The following SMAP1 variants were observed in gnomAD, a reference collection of about 807,000 sequenced individuals.
The protein encoded by SMAP1 is stromal membrane-associated protein 1.
SMAP1 carries 24 observed loss-of-function variants against 58.5 expected under a neutral mutation model. The observed-to-expected ratio is 0.41, with a 90% CI of 0.30 to 0.58. The LOEUF (loss-of-function observed/expected upper bound fraction) is 0.58. Among genes scored for constraint, SMAP1 ranks in the 20% least tolerant of loss-of-function variants. The pLI is 0.29. For missense variants in SMAP1, 563 were observed against 566.3 expected (o/e 0.99, Z 0.06); for synonymous variants, 216 against 196.6 (o/e 1.10, Z -0.82).
Position 70,737,752 on chromosome 6 carries a change from A to G in SMAP1, c.252+5241A>G, listed in dbSNP as rs191828958. ...CTTTGGTTTGATTAAATTCTGTGAGATAACGCTTATTATCCTTAGCGATGA... is the reference window on the plus strand; with the variant it reads ...CTTTGGTTTGATTAAATTCTGTGAGGTAACGCTTATTATCCTTAGCGATGA... On this transcript the variant is annotated intron_variant, in intron 2 of 10. Coordinates refer to ENST00000370455, the MANE Select transcript of SMAP1 (RefSeq NM_001044305.3). 5.3e-5 allele frequency among the ~76,000 whole-genome samples: 8 copies of G among 152,324 alleles called. No homozygotes were observed. The East Asian group carries it at 1.4e-3, about 26-fold the overall frequency.
chr6:70,750,311 T>A (rs1341108223), intron 2 of SMAP1, among the ~76,000 whole-genome samples: 1 of 152,228 alleles, frequency 6.6e-6, no homozygotes, highest in Non-Finnish European at 1.5e-5. Flanking sequence ...TGATTCTACC[T>A]ACTTTCTTTT....
chr6:70,713,969 T>C (rs1768162233), intron 1 of SMAP1, among the ~76,000 whole-genome samples: 1 of 152,220 alleles, frequency 6.6e-6, no homozygotes, highest in Non-Finnish European at 1.5e-5. Flanking sequence ...TCTTGTTGAA[T>C]TGATCCTTTT....
chr6:70,678,442 C>G (rs1456928644), intron 1 of SMAP1, among the ~76,000 whole-genome samples: 1 of 152,184 alleles, frequency 6.6e-6, no homozygotes, highest in Non-Finnish European at 1.5e-5. Flanking sequence ...TCATGCATTT[C>G]TACTCTTGGA....
intron 2 of SMAP1, among the ~76,000 whole-genome samples, chr6:70,750,275 C>T (rs1463021331): frequency 6.6e-6 from 1 of 152,130 alleles, no homozygotes; most frequent in Non-Finnish European, 1.5e-5. Flanking sequence ...AATGAAATCT[C>T]CTATTACATT....
intron 6 of SMAP1, among the ~76,000 whole-genome samples, chr6:70,830,794 CA>C (rs1770326195): frequency 6.6e-6 from 1 of 152,182 alleles, no homozygotes. Flanking sequence ...CCTCTCTACA[CA>C]TTAACATTGG....
intron 1 of SMAP1, among the ~76,000 whole-genome samples, chr6:70,694,978 G>A (rs927393235): frequency 2.6e-5 from 4 of 152,026 alleles, no homozygotes; most frequent in Non-Finnish European, 4.4e-5. Flanking sequence ...TCAGTTTCTC[G>A]CATCAATGTT....
At chr6:70,745,512 T>G (rs900111316) in intron 2 of SMAP1, among the ~76,000 whole-genome samples, 2 of 152,244 alleles carry the variant, frequency 1.3e-5, no homozygotes, top group Non-Finnish European at 2.9e-5. Context: ...CTGAGGCTTC[T>G]GTTCTGTTCC....
chr6:70,803,689 G>A (rs1582220803), intron 6 of SMAP1, among the ~76,000 whole-genome samples: 1 of 152,108 alleles, frequency 6.6e-6, no homozygotes, highest in South Asian at 2.1e-4. Flanking sequence ...ATTCTGGTAC[G>A]TTCTATCTTT....
At chr6:70,790,403 T>G (rs965425929) in intron 4 of SMAP1, among the ~76,000 whole-genome samples, 1 of 152,196 alleles carries the variant, frequency 6.6e-6, no homozygotes, top group Non-Finnish European at 1.5e-5. Flanking sequence ...CCTCCCAAAG[T>G]GCTTTATTCT....
intron 1 of SMAP1, among the ~76,000 whole-genome samples, chr6:70,718,156 C>T (rs758611539): frequency 1.3e-5 from 2 of 151,868 alleles, no homozygotes; most frequent in African/African-American, 2.4e-5. Flanking sequence ...CACATGTGTA[C>T]GTATGCATAT....
chr6:70,689,073 C>T (rs913560885), intron 1 of SMAP1, among the ~76,000 whole-genome samples: 6 of 151,946 alleles, frequency 3.9e-5, no homozygotes, highest in Non-Finnish European at 7.4e-5. Context: ...GATCTGGGCT[C>T]ACTGCATACC....
chr6:70,689,993 C>T (rs1320544912), intron 1 of SMAP1, among the ~76,000 whole-genome samples: 1 of 152,102 alleles, frequency 6.6e-6, no homozygotes, highest in Non-Finnish European at 1.5e-5. Context: ...CAATTATCAT[C>T]CTCGAATAAA....
chr6:70,812,959 CT>C (rs146983009), intron 6 of SMAP1, among the ~76,000 whole-genome samples: 48 of 150,870 alleles, frequency 3.2e-4, no homozygotes, highest in Middle Eastern at 3.4e-3. Flanking sequence ...AGCCTCATTT[CT>C]TTTTTTTTAG....
chr6:70,694,932 A>G (rs555132807), intron 1 of SMAP1, among the ~76,000 whole-genome samples: 171 of 152,308 alleles, frequency 1.1e-3, no homozygotes, highest in African/African-American at 3.9e-3. Context: ...CAATCCATGA[A>G]CATGGAATAT....
At chr6:70,818,102 T>C (rs1769720421) in intron 6 of SMAP1, among the ~76,000 whole-genome samples, 1 of 152,114 alleles carries the variant, frequency 6.6e-6, no homozygotes, top group Non-Finnish European at 1.5e-5. Context: ...CAAGTAATTT[T>C]AGAGTTTCTG....
At position 70,675,212 on chromosome 6, in the gene SMAP1, T is replaced by G. The variant is rs796768798; in HGVS notation, c.118+7071T>G. 7.9e-3 allele frequency among the ~76,000 whole-genome samples: 1,160 copies of G among 147,220 alleles called. 18 individuals are homozygous for G. Among genetic ancestry groups the G allele is most frequent in the African/African-American group, 0.02 (810 of 40,386 alleles). On this transcript the variant is annotated intron_variant, in intron 1 of 10. Coordinates refer to ENST00000370455, the MANE Select transcript of SMAP1 (RefSeq NM_001044305.3). ...AATTATATAGTGTTTTTTTTTTTTT[T>G]TTTTTTTTTTTTACCAGAGATGATG...
At chr6:70,784,944 C>G (rs1767939604) in intron 4 of SMAP1, among the ~76,000 whole-genome samples, 1 of 152,094 alleles carries the variant, frequency 6.6e-6, no homozygotes, top group South Asian at 2.1e-4. Flanking sequence ...AGCTCTGCAC[C>G]AAGTGGACCT....
intron 7 of SMAP1, among the ~76,000 whole-genome samples, chr6:70,838,577 G>C (rs1419007280): frequency 6.6e-6 from 1 of 152,164 alleles, no homozygotes; most frequent in Non-Finnish European, 1.5e-5. Flanking sequence ...AGAAGGTCTG[G>C]GTATCTGGAT....
chr6:70,795,320 C>A (rs938069183), intron 5 of SMAP1, among the ~76,000 whole-genome samples: 10 of 152,132 alleles, frequency 6.6e-5, no homozygotes, highest in African/African-American at 2.4e-4. Context: ...AAATAACTGT[C>A]TTCACCTGTG....
Sources: allele counts gnomAD v4.1 joint callset (sites outside exome capture counted in the v4.1 genomes callset), GRCh38; gene constraint gnomAD v4.1.1; transcripts MANE v1.5; gene names NCBI Gene and HGNC (gene_info 2026-07-23, HGNC 2026-07-21).